LUZP2: variants seen among roughly 807,000 people sequenced by gnomAD.
The protein encoded by LUZP2 is leucine zipper protein 2.
A neutral mutation model predicts 51.6 loss-of-function variants in LUZP2; 52 were observed. That is an observed-to-expected ratio of 1.01 (90% CI 0.81 to 1.27). LUZP2 has a LOEUF of 1.27. LUZP2 is among the 50% of genes most tolerant of loss of function. The pLI is 0.00. For synonymous variants in LUZP2, 154 were observed against 137.3 expected, an observed-to-expected ratio of 1.12 and a Z score of -0.85; for missense variants, 436 against 395.4, an observed-to-expected ratio of 1.10 and a Z score of -0.87.
At chr11:24,624,596 C>A (rs10767222) in intron 1 of LUZP2, among the ~76,000 whole-genome samples, 30,556 of 151,722 alleles carry the variant, frequency 0.2, 3,792 homozygotes, top group East Asian at 0.33. Context: ...TTGGTAATGG[C>A]GAGAGGTTAT....
At chr11:24,834,583 G>T (rs1163945774) in intron 5 of LUZP2, among the ~76,000 whole-genome samples, 1 of 152,176 alleles carries the variant, frequency 6.6e-6, no homozygotes, top group Non-Finnish European at 1.5e-5. Flanking sequence ...ATAGTAGAAT[G>T]ATTTATAATC....
intron 10 of LUZP2, among the ~76,000 whole-genome samples, chr11:25,057,900 C>T (rs1858734063): frequency 1.3e-5 from 2 of 152,108 alleles, no homozygotes; most frequent in Admixed American, 1.3e-4. Flanking sequence ...ATTATGCCAG[C>T]TTTTTCATGT....
intron 5 of LUZP2, among the ~76,000 whole-genome samples, chr11:24,797,601 G>A (rs535965459): frequency 6.6e-6 from 1 of 152,242 alleles, no homozygotes; most frequent in South Asian, 2.1e-4. Flanking sequence ...AAACCTGCCA[G>A]TAGTAGAAAT....
intron 4 of LUZP2, among the ~76,000 whole-genome samples, chr11:24,749,943 C>T (rs1859518069): frequency 6.6e-6 from 1 of 152,150 alleles, no homozygotes; most frequent in Non-Finnish European, 1.5e-5. Context: ...GGGACTTCGC[C>T]TTGTGATCCT....
chr11:24,549,353 G>A (rs1361553911), intron 1 of LUZP2, among the ~76,000 whole-genome samples: 7 of 152,166 alleles, frequency 4.6e-5, no homozygotes, highest in African/African-American at 1.4e-4. Flanking sequence ...CAGCACACAC[G>A]GAGCTGTCCT....
chr11:24,754,906 G>T (rs949448928), intron 4 of LUZP2, among the ~76,000 whole-genome samples: 3 of 152,138 alleles, frequency 2.0e-5, no homozygotes, highest in Non-Finnish European at 2.9e-5. Flanking sequence ...AGCATTTTGC[G>T]GGGGCGAGGT....
intron 1 of LUZP2, among the ~76,000 whole-genome samples, chr11:24,599,764 A>G (rs1468834189): frequency 6.6e-6 from 1 of 152,026 alleles, no homozygotes; most frequent in East Asian, 1.9e-4. Flanking sequence ...ATACTGAGAT[A>G]TTTGTTAATA....
intron 1 of LUZP2, among the ~76,000 whole-genome samples, chr11:24,592,992 G>A (rs1853311336): frequency 6.6e-6 from 1 of 151,994 alleles, no homozygotes; most frequent in Non-Finnish European, 1.5e-5. Flanking sequence ...GACACAAAAT[G>A]GTTTTGTGTT....
At chr11:25,057,029 G>A (rs550437723) in intron 10 of LUZP2, among the ~76,000 whole-genome samples, 50 of 152,152 alleles carry the variant, frequency 3.3e-4, no homozygotes, top group South Asian at 1.0e-3. Context: ...GAACCTGGGA[G>A]GCAGAGGTTG....
intron 1 of LUZP2, among the ~76,000 whole-genome samples, chr11:24,644,397 C>G (rs1422964228): frequency 6.6e-6 from 1 of 152,106 alleles, no homozygotes; most frequent in Non-Finnish European, 1.5e-5. Flanking sequence ...CTGTTTACAA[C>G]TGCACAATGT....
intron 1 of LUZP2, among the ~76,000 whole-genome samples, chr11:24,700,784 T>C (rs1385772187): frequency 1.3e-5 from 2 of 152,104 alleles, no homozygotes; most frequent in African/African-American, 2.4e-5. Context: ...CATTCTGACA[T>C]TATAATCAGT....
At chr11:24,661,504 A>C (rs780103558) in intron 1 of LUZP2, among the ~76,000 whole-genome samples, 7 of 152,152 alleles carry the variant, frequency 4.6e-5, no homozygotes, top group Non-Finnish European at 8.8e-5. Context: ...TTGCACTTGC[A>C]CAGCTGGGGC....
At chr11:24,896,048 G>A (rs1853032512) in intron 5 of LUZP2, among the ~76,000 whole-genome samples, 1 of 152,228 alleles carries the variant, frequency 6.6e-6, no homozygotes, top group Non-Finnish European at 1.5e-5. Flanking sequence ...GGTGTGAAAT[G>A]AGATCTCATT....
At chr11:24,653,021 G>C (rs1565054704) in intron 1 of LUZP2, among the ~76,000 whole-genome samples, 2 of 152,164 alleles carry the variant, frequency 1.3e-5, no homozygotes, top group Admixed American at 6.6e-5. Flanking sequence ...TGCTAAGTCA[G>C]AATGGTAGTA....
intron 1 of LUZP2, among the ~76,000 whole-genome samples, chr11:24,651,807 T>G (rs11028094): frequency 0.042 from 6,343 of 152,102 alleles, 194 homozygotes; most frequent in African/African-American, 0.081. Context: ...AATAGAAAAA[T>G]ACTGAGGTCT....
intron 5 of LUZP2, among the ~76,000 whole-genome samples, chr11:24,828,536 C>T (rs1330652236): frequency 7.0e-6 from 1 of 142,670 alleles, no homozygotes; most frequent in Non-Finnish European, 1.5e-5. Context: ...AGATACCTTG[C>T]ACAGCTACCA....
At chr11:24,991,378 G>A (rs12808992) in intron 9 of LUZP2, among the ~76,000 whole-genome samples, 7 of 98,574 alleles carry the variant, frequency 7.1e-5, no homozygotes, top group Middle Eastern at 6.3e-3. Flanking sequence ...GTATATATAT[G>A]TGTGTGTGTG....
intron 9 of LUZP2, among the ~76,000 whole-genome samples, chr11:25,022,235 C>T (rs1857357392): frequency 6.6e-6 from 1 of 152,068 alleles, no homozygotes; most frequent in South Asian, 2.1e-4. Context: ...TATAATTATT[C>T]AAATTGTATC....
intron 10 of LUZP2, among the ~76,000 whole-genome samples, 198 bp downstream of exon 10, chr11:25,050,328 G>C (rs1171756728): frequency 1.7e-5 from 2 of 120,152 alleles, no homozygotes; most frequent in East Asian, 2.5e-4. Flanking sequence ...TTGAGACGGA[G>C]TCTTGGTCTG....
Sources: gnomAD v4.1 joint callset for allele counts (sites outside exome capture counted in the v4.1 genomes callset) on GRCh38, gnomAD v4.1.1 for gene constraint, MANE v1.5 for transcripts, NCBI Gene and HGNC (gene_info 2026-07-23, HGNC 2026-07-21) for gene names.